Variants in TXNDC12 observed in about 807,000 individuals in gnomAD.
The protein encoded by TXNDC12 is thioredoxin domain containing 12.
A neutral mutation model predicts 24.2 loss-of-function variants in TXNDC12; 22 were observed. The ratio of observed to expected loss-of-function variants is 0.91; its 90% confidence interval spans 0.65 to 1.30. The LOEUF (loss-of-function observed/expected upper bound fraction) is 1.30, where lower values mean the gene tolerates loss of function less well. Among genes scored for constraint, TXNDC12 ranks in the 50% most tolerant of loss-of-function variants. The pLI is 0.00. For synonymous variants in TXNDC12, 58 were observed against 73.4 expected (o/e 0.79, Z 1.07); for missense variants, 184 against 205.8 (o/e 0.89, Z 0.65).
In TXNDC12 at chr1:52,021,019, A is replaced by G; in HGVS notation, c.440-7T>C. On this transcript the variant is annotated splice_region_variant and splice_polypyrimidine_tract_variant and intron_variant, in intron 6 of 6. Transcript: ENST00000371626. ...TCCTTCATCCCCTGAACAACTGTGA[A>G]ATAAAGATTGGAGGAAAAAAGTATG... The G allele has an allele frequency of 6.2e-7, 1 of 1,609,750 alleles. No homozygotes were observed. The highest frequency in any genetic ancestry group is 8.5e-7 in the Non-Finnish European group (1 of 1,176,004).
chr1:52,024,559 A>G lies in TXNDC12; in HGVS notation c.306T>C (p.Asp102=), dbSNP rs917201832. 8.7e-6 allele frequency: 14 copies of G among 1,612,030 alleles called. No individual in the cohort carries two copies. The highest frequency in any genetic ancestry group is 1.7e-5 in the Admixed American group (1 of 59,888). Residue 102 remains aspartate, a synonymous_variant, in exon 5 of 7, where the codon GAT becomes GAC. Coordinates refer to ENST00000371626, the MANE Select transcript of TXNDC12 (RefSeq NM_015913.4). ...AACCCCCGTCAGGGCTGAAATCTTC[A>G]TCTTTGGGTTCCTCTTCATCCTATT... is the stretch of plus-strand genomic sequence containing the variant. ...VNLEDEEEPK[D]EDFSPDGGYI...
chr1:52,051,550 A>AT lies in TXNDC12; in HGVS notation c.97+3449dup, dbSNP rs1393352185. Reference sequence around the variant, plus strand: ...GCCACCACGCCTGGCTAATTTTTGTATTTTTTTTAGTAGAGATGGGGTTTC... The same window carrying AT: ...GCCACCACGCCTGGCTAATTTTTGTATTTTTTTTTAGTAGAGATGGGGTTTC... On this transcript the variant is annotated intron_variant, in intron 1 of 6. Coordinates refer to ENST00000371626, the MANE Select transcript of TXNDC12 (RefSeq NM_015913.4). Among the ~76,000 whole-genome samples, 8 of 151,582 alleles carry AT rather than the reference A, an allele frequency of 5.3e-5. No individual in the cohort carries two copies. In the South Asian group the frequency reaches 6.3e-4, roughly 12 times the overall value.
At chr1:52,041,146 C>A (rs1013250415) in intron 2 of TXNDC12, among the ~76,000 whole-genome samples, 75 of 152,206 alleles carry the variant, frequency 4.9e-4, no homozygotes, top group African/African-American at 1.7e-3. Flanking sequence ...TCCTGGCTAA[C>A]ACGGTGAAAC....
rs1237516547 is a variant in TXNDC12, at chr1:52,023,529, T to C, written c.401A>G (p.Asn134Ser). The C allele has an allele frequency of 3.1e-6, 5 of 1,613,980 alleles. No individual in the cohort carries two copies. The African/African-American group carries it at 6.7e-5, about 22-fold the overall frequency. ...VHPEIINENGNPSYKYFYVSA... is the reference protein window; with the variant it reads ...VHPEIINENGSPSYKYFYVSA... ...GACATAAAAATACTTGTAGCTGGGG[T>C]TTCCATTCTCATTGATGATTTCAGG... The change falls in exon 6 of 7, where the codon AAC (asparagine) becomes AGC (serine). Residue 134 changes from asparagine (N) to serine (S), a missense_variant. Coordinates refer to ENST00000371626, the MANE Select transcript of TXNDC12 (RefSeq NM_015913.4).
At chr1:52,050,815 A>G (rs952113303) in intron 1 of TXNDC12, 14 of 166,500 alleles carry the variant, frequency 8.4e-5, no homozygotes, top group African/African-American at 2.9e-4. Flanking sequence ...AACACACTTC[A>G]TATGTGTTAG....
intron 2 of TXNDC12, chr1:52,030,549 C>A (rs1685735507): frequency 6.6e-6 from 1 of 152,192 alleles, no homozygotes; most frequent in South Asian, 2.1e-4. Context: ...CACATGAATC[C>A]TGTTTATCAG....
intron 2 of TXNDC12, among the ~76,000 whole-genome samples, chr1:52,029,107 G>A (rs1230681366): frequency 6.6e-6 from 1 of 152,158 alleles, no homozygotes; most frequent in East Asian, 1.9e-4. Flanking sequence ...CAGCCTGGCC[G>A]ACAGAACAGA....
intron 2 of TXNDC12, chr1:52,032,757 A>G (rs1179529575): frequency 6.2e-7 from 1 of 1,614,024 alleles, no homozygotes; most frequent in South Asian, 1.1e-5. Context: ...GCAAGTTCTC[A>G]TTGTTGGGAT....
In TXNDC12 at chr1:52,020,359, TGAG is replaced by T. The variant is rs1685574440; in HGVS notation, c.*571_*573del. 1 of 380,864 alleles carries T rather than the reference TGAG, an allele frequency of 2.6e-6. No individual in the cohort carries two copies. Among genetic ancestry groups the T allele is most frequent in the African/African-American group, 2.1e-5 (1 of 48,030 alleles). The allele number at this position is 380,864 out of a possible 1,614,324, so 23.6% of individuals were successfully genotyped here. A position where few individuals can be genotyped will look rare whatever the true frequency, so the allele number is the denominator to read the frequency against. ...GCGTGCAAACAGGGAAGCTCAAGCA[TGAG>T]AAGAGGAAAGAGGCTGTAGAAATTT... On this transcript the variant is annotated 3_prime_UTR_variant, in exon 7 of 7. Transcript: ENST00000371626.
chr1:52,041,460 T>C, intron 2 of TXNDC12, 77 bp downstream of exon 2: 1 of 1,008,290 alleles, frequency 9.9e-7, no homozygotes, highest in Non-Finnish European at 1.5e-6. Context: ...GGTATAGCCC[T>C]TCACCTGAAA....
chr1:52,028,229 A>G (rs1409594773), intron 3 of TXNDC12, among the ~76,000 whole-genome samples: 1 of 152,152 alleles, frequency 6.6e-6, no homozygotes, highest in Non-Finnish European at 1.5e-5. Flanking sequence ...GTATAGCAGA[A>G]AGAACACATG....
chr1:52,033,298 A>G (rs771822238), intron 2 of TXNDC12: 5 of 1,613,832 alleles, frequency 3.1e-6, no homozygotes, highest in Admixed American at 3.3e-5. Context: ...CGCAGTATGC[A>G]GTTCCCTGAG....
intron 1 of TXNDC12, among the ~76,000 whole-genome samples, chr1:52,048,444 C>A (rs1686138679): frequency 6.9e-6 from 1 of 144,682 alleles, no homozygotes; most frequent in African/African-American, 2.6e-5. Context: ...CTAGCTCGGG[C>A]AACAGAGGGT....
rs766035943 is a variant in TXNDC12 at position 52,032,801 on chromosome 1, G to A, written c.159-4171C>T. The A allele has an allele frequency of 3.7e-5, 60 of 1,614,144 alleles. No individual in the cohort carries two copies. Among genetic ancestry groups the A allele is most frequent in the Non-Finnish European group, 4.8e-5 (57 of 1,180,064 alleles). ...GTGTACGAAATAAACTGGCGACGAA[G>A]GCGACTCAGTTCTGCCATGGTCAAG... On this transcript the variant is annotated intron_variant, in intron 2 of 6. Transcript: ENST00000371626.
chr1:52,054,793 C>G (rs1012839279), intron 1 of TXNDC12, among the ~76,000 whole-genome samples: 1 of 152,116 alleles, frequency 6.6e-6, no homozygotes, highest in Non-Finnish European at 1.5e-5. Context: ...TTTAGAGAGG[C>G]CTCAAGTACA....
intron 2 of TXNDC12, chr1:52,033,903 T>G: frequency 7.0e-7 from 1 of 1,432,214 alleles, no homozygotes. Context: ...AAACAGGAGT[T>G]CTACGCCAGC....
intron 1 of TXNDC12, among the ~76,000 whole-genome samples, chr1:52,045,176 T>C (rs1557997783): frequency 6.6e-6 from 1 of 152,202 alleles, no homozygotes; most frequent in Non-Finnish European, 1.5e-5. Flanking sequence ...TACTACATAA[T>C]TCCAATTACA....
intron 1 of TXNDC12, among the ~76,000 whole-genome samples, chr1:52,053,035 G>A (rs1267206694): frequency 6.6e-6 from 1 of 151,806 alleles, no homozygotes; most frequent in Non-Finnish European, 1.5e-5. Flanking sequence ...CCTGAGGTCA[G>A]GAGTTTGAGA....
At chr1:52,028,822 A>G (rs559661824) in intron 2 of TXNDC12, among the ~76,000 whole-genome samples, 192 bp from the exon 3 acceptor site, 1 of 152,296 alleles carries the variant, frequency 6.6e-6, no homozygotes, top group African/African-American at 2.4e-5. Flanking sequence ...AAATTCTGCA[A>G]ACTTGGGCTT....
Sources: gnomAD v4.1 joint callset for allele counts (sites outside exome capture counted in the v4.1 genomes callset) on GRCh38, gnomAD v4.1.1 for gene constraint, MANE v1.5 for transcripts, NCBI Gene and HGNC (gene_info 2026-07-23, HGNC 2026-07-21) for gene names.